Variants in SH2D3C observed in about 807,000 individuals in gnomAD.
SH2D3C encodes SH2 domain containing 3C.
SH2D3C carries 25 observed loss-of-function variants against 75.2 expected under a neutral mutation model. The observed-to-expected ratio is 0.33, with a 90% confidence interval of 0.24 to 0.46. The LOEUF (loss-of-function observed/expected upper bound fraction) is 0.46, where lower values mean the gene tolerates loss of function less well. Ranked by LOEUF, SH2D3C falls within the 20% of genes least tolerant of loss-of-function variation. The pLI is 1.00. For synonymous variants in SH2D3C, 450 were observed against 473.7 expected (o/e 0.95, Z 0.65); for missense variants, 933 against 1,165.3 (o/e 0.80, Z 2.90).
chr9:127,776,622 C>T (rs953906069), intron 1 of SH2D3C, among the ~76,000 whole-genome samples: 3 of 152,266 alleles, frequency 2.0e-5, no homozygotes, highest in Non-Finnish European at 4.4e-5. Context: ...CGGCATTTTC[C>T]ACATCCTCAG....
Position 127,738,770 on chromosome 9 carries a change from A to T in SH2D3C, c.2559T>A (p.Pro853=). 6.2e-7 allele frequency: 1 copy of T among 1,607,170 alleles called. No homozygotes were observed. The highest frequency in any genetic ancestry group is 1.1e-5 in the South Asian group (1 of 89,616). ...VLTALSHKLE[P]AVRSSEL ...GTCACAGCTCGCTGGAGCGGACAGC[A>T]GGTTCCAGCTTGTGGGACAGGGCAG... is the stretch of plus-strand genomic sequence containing the variant. The change falls in exon 12 of 12, where the codon CCT becomes CCA. Residue 853 remains proline (P), a synonymous_variant. Coordinates refer to ENST00000314830, the MANE Select transcript of SH2D3C (RefSeq NM_170600.3). The surrounding 1 kb of genome is among the most constrained non-coding windows in gnomAD (Gnocchi z 5.0).
chr9:127,747,696 G>A (rs1845075272), intron 5 of SH2D3C, among the ~76,000 whole-genome samples: 1 of 151,986 alleles, frequency 6.6e-6, no homozygotes, highest in African/African-American at 2.4e-5. Context: ...CCGTTACCAA[G>A]CGTGGCTAAT....
In SH2D3C at chr9:127,768,027, C is replaced by G. The variant is rs147621091; in HGVS notation, c.515+5963G>C. Among the ~76,000 whole-genome samples, 382 of 152,328 alleles carry G rather than the reference C, an allele frequency of 2.5e-3. 8 individuals carry two copies. The East Asian group carries it at 0.056, about 22-fold the overall frequency. On this transcript the variant is annotated intron_variant, in intron 2 of 11. Coordinates refer to ENST00000314830, the MANE Select transcript of SH2D3C (RefSeq NM_170600.3). ...CCTTCCCAAGCCAGCCCGGTTCCCA[C>G]AGCCCAAGGCGTCCGGGGGTCTCAA...
At chr9:127,766,116 C>T (rs1324945377) in intron 2 of SH2D3C, among the ~76,000 whole-genome samples, 3 of 152,212 alleles carry the variant, frequency 2.0e-5, no homozygotes, top group African/African-American at 4.8e-5. Flanking sequence ...GGAAGGGTGA[C>T]GTTCCCCCAG....
chr9:127,778,573 A>T lies in SH2D3C; in HGVS notation c.37+18T>A. 6.2e-7 allele frequency: 1 copy of T among 1,600,702 alleles called. No homozygotes were observed. The highest frequency in any genetic ancestry group is 1.7e-5 in the Admixed American group (1 of 60,004). On this transcript the variant is annotated intron_variant, in intron 1 of 11. Coordinates refer to ENST00000314830, the MANE Select transcript of SH2D3C (RefSeq NM_170600.3). The stretch of plus-strand genomic sequence containing the variant: ...GAGCCAGGGATGGAGGACAGTGCAG[A>T]CGGCACCCCACACTCACTGAACTTT...
chr9:127,770,980 A>G (rs1845721896), intron 2 of SH2D3C, among the ~76,000 whole-genome samples: 1 of 152,008 alleles, frequency 6.6e-6, no homozygotes, highest in Non-Finnish European at 1.5e-5. Context: ...TGATAGTAGT[A>G]CCTCCCTCCT....
chr9:127,744,770 C>G lies in SH2D3C; in HGVS notation c.1594G>C (p.Gly532Arg). The G allele has an allele frequency of 6.2e-7, 1 of 1,614,222 alleles. No individual in the cohort carries two copies. Among genetic ancestry groups the G allele is most frequent in the East Asian group, 2.2e-5 (1 of 44,886 alleles). The change falls in exon 7 of 12, where the codon GGG (glycine) becomes CGG (arginine). Residue 532 changes from glycine (G) to arginine (R), a missense_variant. By Grantham distance (125) the Gly-to-Arg change is moderately radical. Transcript: ENST00000314830. ...GERLKELSEN[G>R]APEGDWGKTF... Reference sequence around the variant, plus strand: ...TTGCCCCAGTCCCCTTCAGGGGCCCCATTTTCTGACAGTTCCTTTAGCCTC... The same window carrying G: ...TTGCCCCAGTCCCCTTCAGGGGCCCGATTTTCTGACAGTTCCTTTAGCCTC...
intron 1 of SH2D3C, among the ~76,000 whole-genome samples, chr9:127,777,260 G>C (rs1829031143): frequency 1.3e-5 from 2 of 152,168 alleles, no homozygotes; most frequent in African/African-American, 2.4e-5. Context: ...GGACTGGGAA[G>C]GACAGACACA....
chr9:127,767,205 G>T, intron 2 of SH2D3C: 2 of 1,527,308 alleles, frequency 1.3e-6, no homozygotes, highest in Non-Finnish European at 1.8e-6. Context: ...GGCAGAGCAG[G>T]GGCCATTCTT....
rs34636940 is a variant in SH2D3C, at chr9:127,744,072, CT to C, written c.1800+491del. ...GGAGGAAGCAAGGATATCTTATGTG[CT>C]TTTTTTTTTTTTTTTTTTGAATAGT... On this transcript the variant is annotated intron_variant, in intron 7 of 11. Coordinates refer to ENST00000314830, the MANE Select transcript of SH2D3C (RefSeq NM_170600.3). 5.8e-3 allele frequency among the ~76,000 whole-genome samples: 659 copies of C among 114,538 alleles called. 2 individuals are homozygous for C. Among genetic ancestry groups the C allele is most frequent in the African/African-American group, 9.8e-3 (288 of 29,352 alleles). The allele number at this position is 114,538 out of a possible 152,430, so 75.1% of individuals were successfully genotyped here.
intron 4 of SH2D3C, among the ~76,000 whole-genome samples, chr9:127,750,060 G>C (rs1235293076): frequency 6.6e-6 from 1 of 152,036 alleles, no homozygotes; most frequent in African/African-American, 2.4e-5. Context: ...CAGTGCTCTG[G>C]CATGCCTCTG....
chr9:127,744,271 A>C (rs1186481802), intron 7 of SH2D3C, among the ~76,000 whole-genome samples: 1 of 151,654 alleles, frequency 6.6e-6, no homozygotes, highest in Non-Finnish European at 1.5e-5. Context: ...GGGTTTCGCC[A>C]TGTTGCCCAG....
chr9:127,740,038 CT>C, intron 10 of SH2D3C, 150 bp from the exon 11 acceptor site: 1 of 871,664 alleles, frequency 1.1e-6, no homozygotes, highest in South Asian at 1.8e-5. Flanking sequence ...CAAACCCTTT[CT>C]TTCGGATTCC....
intron 7 of SH2D3C, among the ~76,000 whole-genome samples, chr9:127,744,322 C>T (rs560108074): frequency 5.9e-4 from 90 of 152,084 alleles, no homozygotes; most frequent in Non-Finnish European, 1.2e-3. Flanking sequence ...CCGCCCGCCT[C>T]GGCCTCCCAA....
In SH2D3C at chr9:127,740,788, C is replaced by A. The variant is rs143098834; in HGVS notation, c.2089-419G>T. 7.4e-3 allele frequency among the ~76,000 whole-genome samples: 1,121 copies of A among 152,338 alleles called. 20 individuals carry two copies. The highest frequency in any genetic ancestry group is 0.026 in the African/African-American group (1,070 of 41,578). On this transcript the variant is annotated intron_variant, in intron 9 of 11. Coordinates refer to ENST00000314830, the MANE Select transcript of SH2D3C (RefSeq NM_170600.3). ...CTCCGCCTCCTGGCTTCACGCGATT[C>A]TCCTGCCTCAGCCTGCCGAGTAGCT... is the stretch of plus-strand genomic sequence containing the variant.
At position 127,739,671 on chromosome 9, in the gene SH2D3C, C is replaced by T. The variant is rs1844791223; in HGVS notation, c.2407+11G>A. ...GCCTGCAAGCCCCCCAAGATGCCAC[C>T]CGCCACTCACCCTGCAGCTTGACTT... is the stretch of plus-strand genomic sequence containing the variant. On this transcript the variant is annotated intron_variant, in intron 11 of 11. Transcript: ENST00000314830. The surrounding 1 kb of genome is among the most constrained non-coding windows in gnomAD (Gnocchi z 4.3). The T allele has an allele frequency of 1.3e-6, 2 of 1,592,070 alleles. No individual in the cohort carries two copies. Among genetic ancestry groups the T allele is most frequent in the African/African-American group, 1.3e-5 (1 of 74,630 alleles).
At chr9:127,761,557 C>T in intron 3 of SH2D3C, 54 bp downstream of exon 3, 2 of 1,314,282 alleles carry the variant, frequency 1.5e-6, no homozygotes, top group South Asian at 1.2e-5. Flanking sequence ...CGTAATGGAG[C>T]AGGCTCTGAG....
chr9:127,740,920 C>G (rs961852747), intron 9 of SH2D3C, among the ~76,000 whole-genome samples: 3 of 152,170 alleles, frequency 2.0e-5, no homozygotes, highest in Non-Finnish European at 4.4e-5. Context: ...TGACCTTGTG[C>G]TCCACCCACC....
chr9:127,771,089 G>T, intron 2 of SH2D3C: 1 of 950,284 alleles, frequency 1.1e-6, no homozygotes, highest in Non-Finnish European at 1.5e-6. Flanking sequence ...TGCTAACCCC[G>T]CCCCCAAATT....
Sources: gnomAD v4.1 joint callset for allele counts (sites outside exome capture counted in the v4.1 genomes callset) on GRCh38, gnomAD v4.1.1 for gene constraint, Gnocchi (gnomAD v3.1) non-coding constraint, MANE v1.5 for transcripts, NCBI Gene and HGNC (gene_info 2026-07-23, HGNC 2026-07-21) for gene names.